NFIB: variants seen among roughly 807,000 people sequenced by gnomAD.
NFIB encodes the protein nuclear factor 1 B-type.
A neutral mutation model predicts 61.5 loss-of-function variants in NFIB; 11 were observed. That is an observed-to-expected ratio of 0.18 (90% CI 0.11 to 0.30). NFIB has a LOEUF of 0.30. NFIB is among the 10% of genes least tolerant of loss of function. The probability of loss-of-function intolerance (pLI) is 1.00; values close to 1 mark genes in which losing one functional copy is unlikely to be tolerated. For synonymous variants in NFIB, 260 were observed against 216.5 expected (o/e 1.20, Z -1.76); for missense variants, 471 against 608.9 (o/e 0.77, Z 2.38).
rs368147876 is a variant in NFIB at position 14,150,135 on chromosome 9, C to A, written c.806+10G>T. 4.6e-5 allele frequency: 74 copies of A among 1,613,028 alleles called. No homozygotes were observed. The highest frequency in any genetic ancestry group is 2.2e-4 in the Admixed American group (13 of 59,934). The stretch of plus-strand genomic sequence containing the variant: ...TCACTTGAGAATATGAGCAGCCCTT[C>A]TTTCAGTACCTGCTTGGTGGAGAAG... On this transcript the variant is annotated intron_variant, in intron 5 of 10. Transcript: ENST00000380953.
At chr9:14,130,607 C>T (rs1315850720) in intron 6 of NFIB, among the ~76,000 whole-genome samples, 1 of 151,692 alleles carries the variant, frequency 6.6e-6, no homozygotes, top group East Asian at 1.9e-4. Flanking sequence ...TGGCTTACCT[C>T]CTAAGGAACA....
At chr9:14,316,955 T>G (rs889958703), upstream of NFIB, 20 of 152,310 alleles carry the variant, frequency 1.3e-4, no homozygotes, top group African/African-American at 4.3e-4. Flanking sequence ...AAGCCATTAT[T>G]TCGGGGTCTC....
intron 5 of NFIB, among the ~76,000 whole-genome samples, chr9:14,149,314 T>C (rs573669489): frequency 6.6e-6 from 1 of 152,284 alleles, no homozygotes; most frequent in Non-Finnish European, 1.5e-5. Flanking sequence ...AAAATAAATA[T>C]ACAGGTATCC....
chr9:14,349,852 G>A (rs1345525788), intron 1 of NFIB, among the ~76,000 whole-genome samples: 1 of 152,194 alleles, frequency 6.6e-6, no homozygotes, highest in Non-Finnish European at 1.5e-5. Flanking sequence ...CCGCGCGGCA[G>A]TCCCCCGCCT....
chr9:14,451,710 T>C, the NFIB span, among the ~76,000 whole-genome samples: 4 of 152,238 alleles, frequency 2.6e-5, no homozygotes. Context: ...AAGAGGGCTT[T>C]AGTCTCCCAT....
chr9:14,235,742 A>G (rs1481052163), intron 2 of NFIB, among the ~76,000 whole-genome samples: 1 of 152,228 alleles, frequency 6.6e-6, no homozygotes, highest in African/African-American at 2.4e-5. Flanking sequence ...AGGCTCGTCC[A>G]GAAGCATCAC....
chr9:14,523,510 G>C, the NFIB span, among the ~76,000 whole-genome samples: 1 of 151,952 alleles, frequency 6.6e-6, no homozygotes, highest in African/African-American at 2.4e-5. Flanking sequence ...CCATGCCAGA[G>C]ACCTTCCCGA....
chr9:14,146,759 A>G lies in NFIB; in HGVS notation c.855T>C (p.Pro285=). ...ISIDENMEPS[P]TGDFYPSPSS... is the part of the protein sequence containing the mutation. The stretch of plus-strand genomic sequence containing the variant: ...TTGGAGAGGGGTAAAAGTCTCCTGT[A>G]GGACTTGGTTCCATATTTTCATCTA... The change falls in exon 6 of 11, where the codon CCT becomes CCC. Residue 285 remains proline (P), a synonymous_variant. Coordinates refer to ENST00000380953, the MANE Select transcript of NFIB (RefSeq NM_001190737.2). 4 of 1,607,538 alleles carry G rather than the reference A, an allele frequency of 2.5e-6. No homozygotes were observed. In the South Asian group the frequency reaches 4.5e-5, roughly 18 times the overall value.
the NFIB span, among the ~76,000 whole-genome samples, chr9:14,407,149 T>C: frequency 4.6e-5 from 7 of 152,160 alleles, no homozygotes; most frequent in East Asian, 5.8e-4. Context: ...TGCTCGCAAC[T>C]AAAAAACCTT....
intron 1 of NFIB, among the ~76,000 whole-genome samples, chr9:14,367,302 G>C (rs996706638): frequency 2.0e-5 from 3 of 152,060 alleles, no homozygotes; most frequent in African/African-American, 4.8e-5. Flanking sequence ...TGGGTACAAA[G>C]ACTAAATATG....
intron 1 of NFIB, among the ~76,000 whole-genome samples, chr9:14,395,599 A>G (rs78335879): frequency 0.029 from 4,385 of 152,154 alleles, 189 homozygotes; most frequent in African/African-American, 0.099. Flanking sequence ...ATCTGTATGC[A>G]GCATGACCTC....
chr9:14,111,274 T>C (rs1339082980), intron 10 of NFIB, among the ~76,000 whole-genome samples: 2 of 152,182 alleles, frequency 1.3e-5, no homozygotes, highest in Admixed American at 6.5e-5. Flanking sequence ...TAATGGACTT[T>C]AGTAATCATA....
At chr9:14,369,794 A>G (rs1419878052) in intron 1 of NFIB, among the ~76,000 whole-genome samples, 2 of 152,114 alleles carry the variant, frequency 1.3e-5, no homozygotes, top group Non-Finnish European at 2.9e-5. Flanking sequence ...GTACTTCACC[A>G]TCTTTGGCCT....
the NFIB span, among the ~76,000 whole-genome samples, chr9:14,439,821 T>A: frequency 6.6e-6 from 1 of 152,096 alleles, no homozygotes; most frequent in Non-Finnish European, 1.5e-5. Context: ...AAAAACACGG[T>A]GTAAGGGTTG....
intron 1 of NFIB, among the ~76,000 whole-genome samples, chr9:14,351,404 G>A (rs1041198513): frequency 2.6e-5 from 4 of 152,142 alleles, no homozygotes; most frequent in Non-Finnish European, 5.9e-5. Flanking sequence ...GCTGGGCTAG[G>A]GCTGGCTGTG....
chr9:14,182,182 T>C (rs955786111), intron 2 of NFIB, among the ~76,000 whole-genome samples: 3 of 152,134 alleles, frequency 2.0e-5, no homozygotes, highest in African/African-American at 7.2e-5. Context: ...ATATACTTAC[T>C]AAAAAAACCA....
the NFIB span, among the ~76,000 whole-genome samples, chr9:14,435,390 A>G: frequency 1.3e-5 from 2 of 152,264 alleles, no homozygotes; most frequent in African/African-American, 4.8e-5. Flanking sequence ...CAAATTGTGG[A>G]ACCAGACTAT....
At chr9:14,391,625 C>G (rs1364246892) in intron 1 of NFIB, among the ~76,000 whole-genome samples, 5 of 152,124 alleles carry the variant, frequency 3.3e-5, no homozygotes, top group Admixed American at 2.6e-4. Context: ...CGAGTGAGCA[C>G]ACGTACAACT....
chr9:14,246,173 C>T (rs2054904913), intron 2 of NFIB, among the ~76,000 whole-genome samples: 1 of 151,946 alleles, frequency 6.6e-6, no homozygotes, highest in African/African-American at 2.4e-5. Flanking sequence ...ACTCGCCAGT[C>T]TAAAACCCAG....
Sources: gnomAD v4.1 joint callset for allele counts (sites outside exome capture counted in the v4.1 genomes callset) on GRCh38, gnomAD v4.1.1 for gene constraint, MANE v1.5 for transcripts, NCBI Gene and HGNC (gene_info 2026-07-23, HGNC 2026-07-21) for gene names.